The following MATCAP2 variants were observed in gnomAD, a reference collection of about 807,000 sequenced individuals.
The protein encoded by MATCAP2 is putative tyrosine carboxypeptidase MATCAP2.
the MATCAP2 span, among the ~76,000 whole-genome samples, chr7:36,352,792 T>C: frequency 4.0e-5 from 6 of 150,162 alleles, no homozygotes; most frequent in South Asian, 1.3e-3. Context: ...AGATTGCCAC[T>C]CTAGCCTGGG....
chr7:36,382,498 T>C, the MATCAP2 span, among the ~76,000 whole-genome samples: 1 of 152,006 alleles, frequency 6.6e-6, no homozygotes, highest in African/African-American at 2.4e-5. Context: ...TAGCTTTTTT[T>C]TTTTTTTGTT....
the MATCAP2 span, among the ~76,000 whole-genome samples, chr7:36,350,534 T>A: frequency 7.8e-3 from 8 of 1,022 alleles, no homozygotes; most frequent in Admixed American, 0.025. Context: ...CTGTGTTCCT[T>A]TTTTTTTTTT....
At chr7:36,382,491 C>CT in the MATCAP2 span, among the ~76,000 whole-genome samples, 330 of 149,958 alleles carry the variant, frequency 2.2e-3, 1 homozygote, top group African/African-American at 6.9e-3. Flanking sequence ...GTAAAAATAG[C>CT]TTTTTTTTTT....
the MATCAP2 span, among the ~76,000 whole-genome samples, chr7:36,346,031 CAA>C: frequency 2.6e-5 from 4 of 151,810 alleles, no homozygotes; most frequent in Admixed American, 1.3e-4. Flanking sequence ...GGCAATTTTC[CAA>C]AGAGGATATA....
the MATCAP2 span, among the ~76,000 whole-genome samples, chr7:36,371,131 G>T: frequency 6.6e-6 from 1 of 151,980 alleles, no homozygotes; most frequent in Non-Finnish European, 1.5e-5. Flanking sequence ...TTTGGGACAG[G>T]GTCTCACTCT....
At chr7:36,381,617 G>A in the MATCAP2 span, among the ~76,000 whole-genome samples, 2 of 150,110 alleles carry the variant, frequency 1.3e-5, no homozygotes, top group Non-Finnish European at 2.9e-5. Context: ...GTTGCAGTGA[G>A]CTAAGATGGT....
the MATCAP2 span, chr7:36,366,728 G>C: frequency 3.3e-5 from 51 of 1,535,260 alleles, no homozygotes; most frequent in South Asian, 4.3e-4. Flanking sequence ...GAAAGGATAA[G>C]GGGCCGATTT....
At chr7:36,326,826 C>T in the MATCAP2 span, 1 of 1,614,032 alleles carries the variant, frequency 6.2e-7, no homozygotes, top group Admixed American at 1.7e-5. Flanking sequence ...CTAAGTGTTC[C>T]ATATATCGGC....
chr7:36,385,374 T>G, the MATCAP2 span, among the ~76,000 whole-genome samples: 3 of 152,156 alleles, frequency 2.0e-5, no homozygotes, highest in Admixed American at 6.6e-5. Flanking sequence ...ATAATCCAAG[T>G]TGAATTGGAA....
chr7:36,348,036 T>C, the MATCAP2 span, among the ~76,000 whole-genome samples: 1 of 152,182 alleles, frequency 6.6e-6, no homozygotes, highest in South Asian at 2.1e-4. Context: ...CTATGTGTGG[T>C]GAATGTTGGA....
chr7:36,371,262 C>G, the MATCAP2 span, among the ~76,000 whole-genome samples: 1 of 152,096 alleles, frequency 6.6e-6, no homozygotes, highest in Non-Finnish European at 1.5e-5. Context: ...CAGGCATGTG[C>G]CACCAGGCCA....
chr7:36,390,246 A>G, the MATCAP2 span: 1 of 761,516 alleles, frequency 1.3e-6, no homozygotes, highest in Non-Finnish European at 2.1e-6. Flanking sequence ...TTTCGGTCCT[A>G]CAGATAAAAC....
At chr7:36,350,612 G>A in the MATCAP2 span, among the ~76,000 whole-genome samples, 539 of 147,222 alleles carry the variant, frequency 3.7e-3, 2 homozygotes, top group African/African-American at 0.013. Flanking sequence ...TTGGCTCACC[G>A]CAACCTCCAC....
At chr7:36,386,672 GA>G in the MATCAP2 span, among the ~76,000 whole-genome samples, 19 of 152,208 alleles carry the variant, frequency 1.2e-4, no homozygotes, top group South Asian at 3.7e-3. Flanking sequence ...ATATAAAGTT[GA>G]AAATCACAGA....
At chr7:36,355,990 C>T in the MATCAP2 span, 2 of 152,182 alleles carry the variant, frequency 1.3e-5, no homozygotes, top group Non-Finnish European at 2.9e-5. Flanking sequence ...ATAACGTTCA[C>T]ATCATAATTT....
the MATCAP2 span, among the ~76,000 whole-genome samples, chr7:36,328,244 G>GT: frequency 7.8e-5 from 10 of 128,362 alleles, 1 homozygote; most frequent in Non-Finnish European, 1.2e-4. Context: ...TTTTGTAGGG[G>GT]GGGGGGGTCT....
the MATCAP2 span, chr7:36,390,092 CCCCACCCACCTTCCT>C: frequency 6.2e-7 from 1 of 1,612,168 alleles, no homozygotes; most frequent in African/African-American, 1.3e-5. Flanking sequence ...CGCTCTAGGC[CCCCACCCACCTTCCT>C]CTGTCAACCT....
At chr7:36,325,678 G>T in the MATCAP2 span, 2 of 152,102 alleles carry the variant, frequency 1.3e-5, no homozygotes, top group African/African-American at 4.8e-5. Context: ...ATATACTGAA[G>T]CTGATGATAA....
chr7:36,331,077 A>G, the MATCAP2 span: 1 of 1,595,966 alleles, frequency 6.3e-7, no homozygotes, highest in Non-Finnish European at 8.6e-7. Flanking sequence ...TTACTAAAAC[A>G]CCCTGGAGGA....
Sources: gnomAD v4.1 joint callset for allele counts (sites outside exome capture counted in the v4.1 genomes callset) on GRCh38, gnomAD v4.1.1 for gene constraint, MANE v1.5 for transcripts, NCBI Gene and HGNC (gene_info 2026-07-23, HGNC 2026-07-21) for gene names.